Variants in FRMD4A observed in about 807,000 individuals in gnomAD.
FRMD4A encodes FERM domain-containing protein 4A.
Under a neutral mutation model 129.1 loss-of-function variants are expected in FRMD4A, and 29 were observed. That is an observed-to-expected ratio of 0.22 (90% CI 0.17 to 0.31). The LOEUF is 0.31. FRMD4A is among the 10% of genes least tolerant of loss of function. The pLI is 1.00. For synonymous variants in FRMD4A, 634 were observed against 571.6 expected (o/e 1.11, Z -1.56); for missense variants, 1,272 against 1,375.8 (o/e 0.92, Z 1.19).
At chr10:13,707,633 C>T in intron 12 of FRMD4A, 1 of 988,574 alleles carries the variant, frequency 1.0e-6, no homozygotes, top group Non-Finnish European at 1.2e-6. Flanking sequence ...ATCGGGACTC[C>T]ACTTCCTGCT....
At chr10:13,668,123 A>C (rs916709389) in intron 17 of FRMD4A, 1 of 152,274 alleles carries the variant, frequency 6.6e-6, no homozygotes, top group Non-Finnish European at 1.5e-5. Flanking sequence ...AGGGAGCAGG[A>C]ACAAGAAGCG....
chr10:14,174,415 A>C (rs2139917), intron 2 of FRMD4A, among the ~76,000 whole-genome samples: 124,500 of 151,782 alleles, frequency 0.82, 53,284 homozygotes, highest in Non-Finnish European at 0.95. Context: ...GTGATCTGTA[A>C]CAACCCACAG....
intron 6 of FRMD4A, among the ~76,000 whole-genome samples, chr10:13,776,544 A>G (rs958070957): frequency 1.3e-5 from 2 of 152,380 alleles, no homozygotes; most frequent in Non-Finnish European, 2.9e-5. Context: ...AAGTGGCAGG[A>G]GTTGCAGGGA....
At chr10:14,200,652 GCAGGGTGAGCAGCCTCCT>G (rs1437992398) in intron 2 of FRMD4A, among the ~76,000 whole-genome samples, 1 of 152,232 alleles carries the variant, frequency 6.6e-6, no homozygotes, top group African/African-American at 2.4e-5. Context: ...TGAGCACTGT[GCAGGGTGAGCAGCCTCCT>G]CAGCCTCCTC....
chr10:13,691,395 G>GC (rs2085674458), intron 15 of FRMD4A, among the ~76,000 whole-genome samples: 1 of 152,070 alleles, frequency 6.6e-6, no homozygotes, highest in Non-Finnish European at 1.5e-5. Context: ...CTGCCTTGGT[G>GC]CCCCCTGGAG....
chr10:14,306,970 A>C (rs1846374087), intron 2 of FRMD4A, among the ~76,000 whole-genome samples: 1 of 152,226 alleles, frequency 6.6e-6, no homozygotes, highest in Non-Finnish European at 1.5e-5. Flanking sequence ...AAACATTTTT[A>C]GCTTCCAATA....
rs148321894 is a variant in FRMD4A at position 14,014,042 on chromosome 10, G to A, written c.46-155130C>T. ...CCTCTGGTCCACTTCAGCCCTGGAC[G>A]GGTGAAGACAGCGCAGTGAGTATCG... On this transcript the variant is annotated intron_variant, in intron 2 of 24. Coordinates refer to ENST00000357447, the MANE Select transcript of FRMD4A (RefSeq NM_018027.5). Among the ~76,000 whole-genome samples, 175 of 152,300 alleles carry A rather than the reference G, an allele frequency of 1.1e-3. 1 individual carries two copies. The highest frequency in any genetic ancestry group is 3.9e-3 in the African/African-American group (162 of 41,572).
chr10:14,015,636 C>G (rs2095696856), intron 2 of FRMD4A, among the ~76,000 whole-genome samples: 1 of 152,160 alleles, frequency 6.6e-6, no homozygotes, highest in African/African-American at 2.4e-5. Context: ...CCATGCTCTT[C>G]TTGTATTCTG....
At chr10:14,258,218 GTATTA>G (rs1844682015) in intron 2 of FRMD4A, among the ~76,000 whole-genome samples, 1 of 150,484 alleles carries the variant, frequency 6.6e-6, no homozygotes, top group Non-Finnish European at 1.5e-5. Flanking sequence ...AAAAAGAAGA[GTATTA>G]TATTACATAA....
chr10:14,098,021 A>G (rs1837080405), intron 2 of FRMD4A, among the ~76,000 whole-genome samples: 1 of 86,696 alleles, frequency 1.2e-5, no homozygotes, highest in Admixed American at 1.0e-4. Context: ...TATATATTAT[A>G]TAAATTATAG....
intron 2 of FRMD4A, among the ~76,000 whole-genome samples, chr10:13,863,978 C>T (rs879743259): frequency 6.6e-6 from 1 of 151,922 alleles, no homozygotes; most frequent in Non-Finnish European, 1.5e-5. Context: ...AAAGTCTTTT[C>T]TCTCTCTCTC....
intron 12 of FRMD4A, among the ~76,000 whole-genome samples, chr10:13,728,779 C>T (rs189724790): frequency 6.6e-6 from 1 of 151,870 alleles, no homozygotes; most frequent in Non-Finnish European, 1.5e-5. Context: ...ATCACGTTGG[C>T]CAGGCTGGCC....
Position 13,810,915 on chromosome 10 carries a change from G to T in FRMD4A, c.112-7C>A. Reference sequence around the variant, plus strand: ...CCTTGGCCAACAGCTTGGGCTGCAAGAAGAATACAATGGAAGAAGGGTAAG... The same window carrying T: ...CCTTGGCCAACAGCTTGGGCTGCAATAAGAATACAATGGAAGAAGGGTAAG... On this transcript the variant is annotated splice_region_variant and splice_polypyrimidine_tract_variant and intron_variant, in intron 3 of 24. Coordinates refer to ENST00000357447, the MANE Select transcript of FRMD4A (RefSeq NM_018027.5). 6.7e-7 allele frequency: 1 copy of T among 1,492,752 alleles called. No homozygotes were observed. The highest frequency in any genetic ancestry group is 1.1e-5 in the South Asian group (1 of 87,694). 92.5% of individuals were successfully genotyped at this position (1,492,752 alleles called of 1,614,324 possible).
At chr10:13,982,767 G>A (rs1234252297) in intron 2 of FRMD4A, among the ~76,000 whole-genome samples, 4 of 152,156 alleles carry the variant, frequency 2.6e-5, no homozygotes, top group African/African-American at 9.7e-5. Flanking sequence ...TTATTTTGAA[G>A]GCTCCTGTGT....
At chr10:14,116,467 C>T (rs531350784) in intron 2 of FRMD4A, among the ~76,000 whole-genome samples, 4 of 152,224 alleles carry the variant, frequency 2.6e-5, no homozygotes, top group East Asian at 1.9e-4. Flanking sequence ...AAAGCAGATA[C>T]GGAGAGTTAC....
At chr10:13,916,562 C>G (rs752637894) in intron 2 of FRMD4A, among the ~76,000 whole-genome samples, 1 of 152,132 alleles carries the variant, frequency 6.6e-6, no homozygotes, top group Non-Finnish European at 1.5e-5. Context: ...GGTGTTATAC[C>G]CATTTTACAG....
At position 13,740,315 on chromosome 10, in the gene FRMD4A, A is replaced by G. The variant is rs2090913599; in HGVS notation, c.615-64T>C. On this transcript the variant is annotated intron_variant, in intron 10 of 24. Transcript: ENST00000357447. Reference sequence around the variant, plus strand: ...ATGCGCAAAAGGCTAGTTATTCAGCAGATCTGGTATCATATATATATTTGT... The same window carrying G: ...ATGCGCAAAAGGCTAGTTATTCAGCGGATCTGGTATCATATATATATTTGT... 5.5e-6 allele frequency: 6 copies of G among 1,099,734 alleles called. No individual in the cohort carries two copies. In the South Asian group the frequency reaches 7.6e-5, roughly 14 times the overall value. The allele number at this position is 1,099,734 out of a possible 1,614,324, so 68.1% of individuals were successfully genotyped here.
rs772955614 is a variant in FRMD4A, at chr10:13,666,243, G to T, written c.1457C>A (p.Pro486His). ...TEAARRLASD[P>H]NVSKKLKKQR... ...TTTCTTCAGTTTTTTGCTGACGTTG[G>T]GGTCACTGGCTAGGCGGCGGGCGGC... The change falls in exon 18 of 25, where the codon CCC (proline) becomes CAC (histidine). Residue 486 changes from proline (P) to histidine (H), a missense_variant. Physicochemically the swap from Pro to His is moderately conservative, Grantham distance 77 (BLOSUM62 -2). Coordinates refer to ENST00000357447, the MANE Select transcript of FRMD4A (RefSeq NM_018027.5). 6.2e-7 allele frequency: 1 copy of T among 1,614,022 alleles called. No individual in the cohort carries two copies. The highest frequency in any genetic ancestry group is 1.1e-5 in the South Asian group (1 of 91,078).
In FRMD4A at chr10:13,866,173, C is replaced by T. The variant is rs535510174; in HGVS notation, c.46-7261G>A. Reference sequence around the variant, plus strand: ...CAGTTAGGAAAATTACCAATACTCCCCAAACCACCTGAAATGCTATCCTTT... The same window carrying T: ...CAGTTAGGAAAATTACCAATACTCCTCAAACCACCTGAAATGCTATCCTTT... On this transcript the variant is annotated intron_variant, in intron 2 of 24. Coordinates refer to ENST00000357447, the MANE Select transcript of FRMD4A (RefSeq NM_018027.5). 10 of 300,534 alleles carry T rather than the reference C, an allele frequency of 3.3e-5. 1 individual carries two copies. The South Asian group carries it at 1.3e-3, about 39-fold the overall frequency. The allele number at this position is 300,534 out of a possible 1,614,324, so 18.6% of individuals were successfully genotyped here.
Sources: allele counts gnomAD v4.1 joint callset (sites outside exome capture counted in the v4.1 genomes callset), GRCh38; gene constraint gnomAD v4.1.1; transcripts MANE v1.5; gene names NCBI Gene and HGNC (gene_info 2026-07-23, HGNC 2026-07-21).